The following SLC7A2 variants were observed in gnomAD, a reference collection of about 807,000 sequenced individuals.
SLC7A2 encodes cationic amino acid transporter 2.
A neutral mutation model predicts 58.9 loss-of-function variants in SLC7A2; 48 were observed. The ratio of observed to expected loss-of-function variants is 0.82; its 90% CI spans 0.65 to 1.04. SLC7A2 has a LOEUF of 1.04. Ranked by LOEUF, SLC7A2 falls within the 50% of genes least tolerant of loss-of-function variation. The pLI, the probability that SLC7A2 is intolerant of heterozygous loss-of-function variation, is 0.00. For synonymous variants in SLC7A2, 363 were observed against 314.5 expected, an observed-to-expected ratio of 1.15 and a Z score of -1.63; for missense variants, 1,029 against 818.8, an observed-to-expected ratio of 1.26 and a Z score of -3.13.
chr8:17,563,762 G>C (rs1393618539), intron 12 of SLC7A2, 51 bp downstream of exon 12: 1 of 1,101,114 alleles, frequency 9.1e-7, no homozygotes, highest in Non-Finnish European at 1.4e-6. Context: ...GCTGTGATGA[G>C]AGAAACATGC....
chr8:17,560,023 G>A (rs1052705902), intron 9 of SLC7A2, among the ~76,000 whole-genome samples: 6 of 152,168 alleles, frequency 3.9e-5, no homozygotes, highest in African/African-American at 1.4e-4. Context: ...TTTGGACATA[G>A]GTAATTTCAG....
chr8:17,503,451 G>A (rs1368475714), intron 2 of SLC7A2, among the ~76,000 whole-genome samples: 1 of 152,074 alleles, frequency 6.6e-6, no homozygotes, highest in Non-Finnish European at 1.5e-5. Context: ...ATTCACTCCC[G>A]CGGTGTTCCT....
intron 2 of SLC7A2, among the ~76,000 whole-genome samples, chr8:17,533,378 A>G (rs1260818823): frequency 6.6e-6 from 1 of 152,226 alleles, no homozygotes; most frequent in Non-Finnish European, 1.5e-5. Context: ...ATCTCAACTC[A>G]GTTTCCCTCT....
intron 1 of SLC7A2, among the ~76,000 whole-genome samples, chr8:17,501,233 C>T (rs1800148609): frequency 6.6e-6 from 1 of 152,026 alleles, no homozygotes; most frequent in Non-Finnish European, 1.5e-5. Flanking sequence ...AGGTTGGTCT[C>T]GAAATCCTGG....
chr8:17,495,791 C>A (rs1466412290), upstream of SLC7A2, among the ~76,000 whole-genome samples: 7 of 152,186 alleles, frequency 4.6e-5, no homozygotes, highest in South Asian at 4.1e-4. Flanking sequence ...CTCAGGTGAT[C>A]GGCGCGCCTC....
chr8:17,550,555 C>G, intron 6 of SLC7A2, 121 bp downstream of exon 6: 1 of 825,366 alleles, frequency 1.2e-6, no homozygotes, highest in South Asian at 2.0e-5. Flanking sequence ...GGCACTAGTT[C>G]CAGGCCCAGC....
intron 2 of SLC7A2, among the ~76,000 whole-genome samples, chr8:17,533,996 T>C (rs768892213): frequency 6.6e-6 from 1 of 152,148 alleles, no homozygotes; most frequent in African/African-American, 2.4e-5. Flanking sequence ...CTCCCACTTA[T>C]AAGTGAAAAG....
At chr8:17,511,609 T>C (rs1310773503) in intron 2 of SLC7A2, among the ~76,000 whole-genome samples, 1 of 152,192 alleles carries the variant, frequency 6.6e-6, no homozygotes, top group Admixed American at 6.5e-5. Flanking sequence ...AGTAATATAA[T>C]CTATCGCTAA....
intron 2 of SLC7A2, among the ~76,000 whole-genome samples, chr8:17,541,022 G>A (rs1018547170): frequency 1.3e-5 from 2 of 152,072 alleles, no homozygotes; most frequent in South Asian, 2.1e-4. Flanking sequence ...TTGTGTTCCC[G>A]GAGTTGTATA....
intron 4 of SLC7A2, among the ~76,000 whole-genome samples, chr8:17,545,432 A>G (rs1213361474): frequency 5.2e-5 from 5 of 96,998 alleles, no homozygotes; most frequent in Admixed American, 4.2e-4. Flanking sequence ...TTTTTTTGAG[A>G]TGGAGTCTGA....
intron 4 of SLC7A2, among the ~76,000 whole-genome samples, chr8:17,545,398 A>ATT (rs1802115433): frequency 2.1e-5 from 2 of 93,606 alleles, no homozygotes; most frequent in African/African-American, 4.4e-5. Flanking sequence ...CTATTTGAAC[A>ATT]TTTTCTTTTT....
intron 2 of SLC7A2, among the ~76,000 whole-genome samples, chr8:17,507,917 G>C (rs935474043): frequency 2.0e-5 from 3 of 152,080 alleles, no homozygotes; most frequent in Admixed American, 1.3e-4. Context: ...TTTTCGTAGA[G>C]TGACATTCTT....
At chr8:17,518,082 C>T (rs973075482) in intron 2 of SLC7A2, among the ~76,000 whole-genome samples, 1 of 152,140 alleles carries the variant, frequency 6.6e-6, no homozygotes, top group Admixed American at 6.5e-5. Context: ...TGAATCGTCT[C>T]TATTATTAAT....
At chr8:17,558,647 A>T (rs903884022) in intron 9 of SLC7A2, among the ~76,000 whole-genome samples, 2 of 152,232 alleles carry the variant, frequency 1.3e-5, no homozygotes, top group Non-Finnish European at 2.9e-5. Context: ...ATGTCTAACG[A>T]CACTTAAAAA....
intron 2 of SLC7A2, among the ~76,000 whole-genome samples, chr8:17,528,992 T>A (rs1002505280): frequency 9.9e-5 from 15 of 152,148 alleles, no homozygotes; most frequent in Admixed American, 2.6e-4. Flanking sequence ...GGGACCAGTT[T>A]CCTCTAGGGT....
At chr8:17,509,806 A>G (rs1297724161) in intron 2 of SLC7A2, among the ~76,000 whole-genome samples, 3 of 152,212 alleles carry the variant, frequency 2.0e-5, no homozygotes, top group Admixed American at 6.5e-5. Context: ...CTCTAAAGAC[A>G]TGATATGCAG....
intron 4 of SLC7A2, among the ~76,000 whole-genome samples, chr8:17,546,785 CAACT>C (rs1489340118): frequency 6.6e-6 from 1 of 152,096 alleles, no homozygotes; most frequent in Non-Finnish European, 1.5e-5. Context: ...GGGGAACAAA[CAACT>C]AAATCTGTGG....
At chr8:17,534,280 G>A (rs1258980664) in intron 2 of SLC7A2, among the ~76,000 whole-genome samples, 1 of 152,104 alleles carries the variant, frequency 6.6e-6, no homozygotes, top group African/African-American at 2.4e-5. Context: ...GATTCAAAGT[G>A]GAATTAAGGT....
chr8:17,543,259 T>A (rs556554629), intron 2 of SLC7A2, 59 bp from the exon 3 acceptor site: 3 of 1,494,000 alleles, frequency 2.0e-6, no homozygotes, highest in East Asian at 4.5e-5. Context: ...GGAAGCTAGG[T>A]TACCAAAGGG....
Sources: allele counts gnomAD v4.1 joint callset (sites outside exome capture counted in the v4.1 genomes callset), GRCh38; gene constraint gnomAD v4.1.1; transcripts MANE v1.5; gene names NCBI Gene and HGNC (gene_info 2026-07-23, HGNC 2026-07-21).